Variants in FAT4 observed in about 807,000 individuals in gnomAD.
FAT4 encodes protocadherin Fat 4.
In FAT4, 84 loss-of-function variants were observed where a neutral mutation model predicts 303.9. The observed-to-expected ratio is 0.28, with a 90% CI of 0.23 to 0.33. FAT4 has a LOEUF of 0.33. Among genes scored for constraint, FAT4 ranks in the 10% least tolerant of loss-of-function variants. The pLI, the probability that FAT4 is intolerant of heterozygous loss-of-function variation, is 1.00. For synonymous variants in FAT4, 2,307 were observed against 2,298.8 expected, an observed-to-expected ratio of 1.00 and a Z score of -0.10; for missense variants, 6,005 against 6,146.8, an observed-to-expected ratio of 0.98 and a Z score of 0.77.
Position 125,452,665 on chromosome 4 carries a change from A to T in FAT4, c.11655A>T (p.Gly3885=). 1 of 1,614,072 alleles carries T rather than the reference A, an allele frequency of 6.2e-7. No homozygotes were observed. Among genetic ancestry groups the T allele is most frequent in the South Asian group, 1.1e-5 (1 of 91,080 alleles). Residue 3885 remains glycine (G), a synonymous_variant, in exon 10 of 18, where the codon GGA becomes GGT. Transcript: ENST00000394329. ...GAACCTGTCACAATTTAGTGGGAGG[A>T]TTTTCATGCAGCTGCCCAGATGGCT... is the stretch of plus-strand genomic sequence containing the variant. ...SGGTCHNLVG[G]FSCSCPDGFT... is the part of the protein sequence containing the mutation.
chr4:125,491,103 T>A lies in FAT4; in HGVS notation c.14287T>A (p.Ser4763Thr). The A allele has an allele frequency of 6.2e-7, 1 of 1,614,168 alleles. No homozygotes were observed. Among genetic ancestry groups the A allele is most frequent in the East Asian group, 2.2e-5 (1 of 44,860 alleles). ...RRSKSPQAMA[S>T]HGSRPGSRLK... ...AAGCAAGAGTCCTCAGGCCATGGCATCACATGGTTCTAGACCAGGGAGTCG... is the reference window on the plus strand; with the variant it reads ...AAGCAAGAGTCCTCAGGCCATGGCAACACATGGTTCTAGACCAGGGAGTCG... Residue 4763 changes from serine (S) to threonine (T), a missense_variant, in exon 18 of 18, where the codon TCA (serine) becomes ACA (threonine). By Grantham distance (58) the Ser-to-Thr change is moderately conservative. Transcript: ENST00000394329.
At chr4:125,435,844 A>C (rs969142397) in intron 8 of FAT4, among the ~76,000 whole-genome samples, 4 of 152,148 alleles carry the variant, frequency 2.6e-5, no homozygotes, top group Admixed American at 1.3e-4. Flanking sequence ...ACTGGTCTAC[A>C]TTTGGATAGA....
At chr4:125,426,623 A>G (rs1725097538) in intron 7 of FAT4, among the ~76,000 whole-genome samples, 1 of 152,072 alleles carries the variant, frequency 6.6e-6, no homozygotes, top group Admixed American at 6.5e-5. Flanking sequence ...ATTTCTACAT[A>G]GAATTTTATT....
Position 125,471,895 on chromosome 4 carries a change from C to CAAAAAAAA in FAT4, c.12213+3101_12213+3108dup, listed in dbSNP as rs60730341. Among the ~76,000 whole-genome samples the CAAAAAAAA allele has an allele frequency of 6.9e-3, 388 of 56,136 alleles. 16 individuals are homozygous for CAAAAAAAA. Among genetic ancestry groups the CAAAAAAAA allele is most frequent in the Middle Eastern group, 0.028 (1 of 36 alleles). 36.8% of individuals were successfully genotyped at this position (56,136 alleles called of 152,430 possible). A position where few individuals can be genotyped will look rare whatever the true frequency, so the allele number is the denominator to read the frequency against. On this transcript the variant is annotated intron_variant, in intron 12 of 17. Coordinates refer to ENST00000394329, the MANE Select transcript of FAT4 (RefSeq NM_001291303.3). ...TGAAACCCTGTCTCTACTAAAAATA[C>CAAAAAAAA]AAAAAAAAAAAAAAAAAAAAAAAAA...
rs555458566 is a variant in FAT4 at position 125,321,468 on chromosome 4, A to C, written c.5057A>C (p.His1686Pro). ...TVGRLFTIGRHTGIIQTAAIL... is the reference protein window; with the variant it reads ...TVGRLFTIGRPTGIIQTAAIL... ...GGACGCCTCTTTACTATTGGACGAC[A>C]TACTGGTATAATTCAGACCGCAGCC... The change falls in exon 2 of 18, where the codon CAT (histidine) becomes CCT (proline). Residue 1686 changes from histidine (H) to proline (P), a missense_variant. Coordinates refer to ENST00000394329, the MANE Select transcript of FAT4 (RefSeq NM_001291303.3). 1.2e-6 allele frequency: 2 copies of C among 1,614,148 alleles called. No homozygotes were observed. Among genetic ancestry groups the C allele is most frequent in the Non-Finnish European group, 8.5e-7 (1 of 1,180,004 alleles).
rs1319894221 is a variant in FAT4, at chr4:125,450,990, G to A, written c.9980G>A (p.Arg3327His). The change falls in exon 10 of 18, where the codon CGT becomes CAT. Residue 3327 changes from arginine (R) to histidine (H), a missense_variant. Coordinates refer to ENST00000394329, the MANE Select transcript of FAT4 (RefSeq NM_001291303.3). ...GTTGGAGAAGTGTTTGCTAGCGACC[G>A]TGATTTGGGCACTGATGGGGAGGTA... The part of the protein sequence containing the change: ...TIVGEVFASD[R>H]DLGTDGEVHY... The A allele has an allele frequency of 4.3e-6, 7 of 1,614,138 alleles. No homozygotes were observed. Among genetic ancestry groups the A allele is most frequent in the East Asian group, 4.5e-5 (2 of 44,874 alleles).
chr4:125,452,483 G>T lies in FAT4; in HGVS notation c.11473G>T (p.Val3825Leu). 1.9e-6 allele frequency: 3 copies of T among 1,613,980 alleles called. No individual in the cohort carries two copies. Among genetic ancestry groups the T allele is most frequent in the Non-Finnish European group, 2.5e-6 (3 of 1,180,020 alleles). ...AGGGAGCTGTCTACGAAGATTGGCT[G>T]TGAGCTCCGTATTAAAAAGCCGTGA... is the stretch of plus-strand genomic sequence containing the variant. The part of the protein sequence containing the change: ...NGGSCLRRLA[V>L]SSVLKSRESL... The change falls in exon 10 of 18, where the codon GTG becomes TTG. Residue 3825 changes from valine (V) to leucine (L), a missense_variant. Physicochemically the swap from Val to Leu is conservative, Grantham distance 32 (BLOSUM62 1). Coordinates refer to ENST00000394329, the MANE Select transcript of FAT4 (RefSeq NM_001291303.3).
At chr4:125,474,466 A>G (rs1726962249) in intron 12 of FAT4, among the ~76,000 whole-genome samples, 1 of 152,058 alleles carries the variant, frequency 6.6e-6, no homozygotes, top group African/African-American at 2.4e-5. Flanking sequence ...TAAATGGGGC[A>G]TGAATGACTT....
At chr4:125,371,000 T>G (rs1168661278) in intron 2 of FAT4, among the ~76,000 whole-genome samples, 2 of 151,762 alleles carry the variant, frequency 1.3e-5, no homozygotes. Context: ...ACAAAAAAAT[T>G]AGCCAGGCCT....
intron 10 of FAT4, 86 bp from the exon 11 acceptor site, chr4:125,463,477 A>G (rs1726551075): frequency 1.4e-6 from 1 of 700,350 alleles, no homozygotes; most frequent in Non-Finnish European, 2.2e-6. Context: ...ATGCCTTAGG[A>G]AAGATTTTTA....
At chr4:125,424,422 T>C (rs1269007346) in intron 7 of FAT4, among the ~76,000 whole-genome samples, 1 of 152,194 alleles carries the variant, frequency 6.6e-6, no homozygotes, top group Non-Finnish European at 1.5e-5. Flanking sequence ...TTGCTTCTGA[T>C]TCTGCCACGA....
chr4:125,425,252 T>A (rs1348755542), intron 7 of FAT4, among the ~76,000 whole-genome samples: 1 of 152,120 alleles, frequency 6.6e-6, no homozygotes, highest in African/African-American at 2.4e-5. Context: ...CCAACAAAAA[T>A]TTGTGTTATA....
intron 7 of FAT4, among the ~76,000 whole-genome samples, chr4:125,430,470 C>T (rs2390837): frequency 0.99 from 151,222 of 152,268 alleles, 75,096 homozygotes; most frequent in Middle Eastern, 1. Flanking sequence ...TAGTCAAACA[C>T]ATTGGAGGCA....
intron 14 of FAT4, 40 bp from the exon 15 acceptor site, chr4:125,479,701 C>A (rs777275589): frequency 3.4e-6 from 5 of 1,473,742 alleles, no homozygotes; most frequent in South Asian, 1.5e-5. Flanking sequence ...TTCTCCTCAT[C>A]TTTTATGTGC....
chr4:125,401,560 A>T lies in FAT4; in HGVS notation c.5307+2645A>T, dbSNP rs1053213803. Among the ~76,000 whole-genome samples the T allele has an allele frequency of 5.3e-5, 8 of 152,050 alleles. No individual in the cohort carries two copies. In the South Asian group the frequency reaches 1.2e-3, roughly 24 times the overall value. On this transcript the variant is annotated intron_variant, in intron 3 of 17. Transcript: ENST00000394329. ...CATTAATTACTTTACCTAACATATA[A>T]GTGTTAGTATGCTATAGGAACTCTT...
intron 2 of FAT4, among the ~76,000 whole-genome samples, chr4:125,347,689 A>G (rs765678214): frequency 1.3e-5 from 2 of 151,784 alleles, no homozygotes; most frequent in Non-Finnish European, 2.9e-5. Flanking sequence ...TCCACTTATC[A>G]GACTACAATA....
At chr4:125,393,104 C>G (rs1314810255) in intron 2 of FAT4, among the ~76,000 whole-genome samples, 8 of 149,514 alleles carry the variant, frequency 5.4e-5, no homozygotes, top group Admixed American at 5.3e-4. Flanking sequence ...TACTACAAAT[C>G]CTACGGTCTC....
intron 7 of FAT4, among the ~76,000 whole-genome samples, chr4:125,433,111 G>A (rs577638010): frequency 6.6e-6 from 1 of 152,200 alleles, no homozygotes; most frequent in South Asian, 2.1e-4. Flanking sequence ...AGTGGTAAAG[G>A]AAATACCAGC....
At chr4:125,321,711 T>A in intron 2 of FAT4, 125 bp downstream of exon 2, 2 of 990,388 alleles carry the variant, frequency 2.0e-6, no homozygotes, top group Non-Finnish European at 2.8e-6. Flanking sequence ...CAGGAACACC[T>A]AAAAATGTTC....
Sources: gnomAD v4.1 joint callset for allele counts (sites outside exome capture counted in the v4.1 genomes callset) on GRCh38, gnomAD v4.1.1 for gene constraint, MANE v1.5 for transcripts, NCBI Gene and HGNC (gene_info 2026-07-23, HGNC 2026-07-21) for gene names.